Variants in STKLD1 observed in about 807,000 individuals in gnomAD.
STKLD1 encodes serine/threonine kinase-like domain-containing protein STKLD1.
STKLD1 carries 79 observed loss-of-function variants against 80.4 expected under a neutral mutation model. The ratio of observed to expected loss-of-function variants is 0.98; its 90% CI spans 0.82 to 1.19. STKLD1 has a LOEUF of 1.19. Among genes scored for constraint, STKLD1 ranks in the 50% most tolerant of loss-of-function variants. The pLI, the probability that STKLD1 is intolerant of heterozygous loss-of-function variation, is 0.00. For synonymous variants in STKLD1, 393 were observed against 357.6 expected, an observed-to-expected ratio of 1.10 and a Z score of -1.12; for missense variants, 841 against 856.0, an observed-to-expected ratio of 0.98 and a Z score of 0.22.
Position 133,405,299 on chromosome 9 carries a change from CAGG to C in STKLD1, c.1924_1926del (p.Glu642del), listed in dbSNP as rs1838824480. ...GTCCAGTAGTATGAAGGCCCTGCTCCAGGAGATCAAGGAGCGCTTCACCTCCAG... is the reference window on the plus strand; with the variant it reads ...GTCCAGTAGTATGAAGGCCCTGCTCCAGATCAAGGAGCGCTTCACCTCCAG... On this transcript the variant is annotated inframe_deletion, in exon 18 of 18. Transcript: ENST00000371957. 2.5e-6 allele frequency: 4 copies of C among 1,612,802 alleles called. No homozygotes were observed. In the South Asian group the frequency reaches 3.3e-5, roughly 13 times the overall value.
At position 133,390,785 on chromosome 9, in the gene STKLD1, G is replaced by A. The variant is rs2130287329; in HGVS notation, c.572G>A (p.Arg191His). 12 of 1,613,484 alleles carry A rather than the reference G, an allele frequency of 7.4e-6. No individual in the cohort carries two copies. Among genetic ancestry groups the A allele is most frequent in the African/African-American group, 4.0e-5 (3 of 74,880 alleles). ...LMTDKAKWNI[R>H]AEEDPFRKSW... ...ACAGACAAAGCCAAATGGAATATTC[G>A]TGCGGAGGAAGGTGGCAGGGGCTCC... The change falls in exon 7 of 18, where the codon CGT becomes CAT. Residue 191 changes from arginine (R) to histidine (H), a missense_variant. Arg to His is a conservative substitution (Grantham distance 29). Coordinates refer to ENST00000371957, the MANE Select transcript of STKLD1 (RefSeq NM_153710.5). This position sits in a 1 kb window ranked among gnomAD's most constrained non-coding sequence, Gnocchi z 5.1.
chr9:133,405,271 G>A lies in STKLD1; in HGVS notation c.1893G>A (p.Leu631=), dbSNP rs2130695298. The part of the protein sequence containing the change: ...LASYEEILPE[L]VSSSMKALLQ... ...CTGCAGAGGAGATCCTGCCGGAGCT[G>A]GTGTCCAGTAGTATGAAGGCCCTGC... The change falls in exon 18 of 18, where the codon CTG becomes CTA. Residue 631 remains leucine (L), a synonymous_variant. Transcript: ENST00000371957. 1.2e-6 allele frequency: 2 copies of A among 1,609,492 alleles called. No homozygotes were observed. The highest frequency in any genetic ancestry group is 1.1e-5 in the South Asian group (1 of 90,782).
intron 9 of STKLD1, among the ~76,000 whole-genome samples, chr9:133,396,599 G>GA (rs1397293206): frequency 6.6e-6 from 1 of 151,248 alleles, no homozygotes; most frequent in Admixed American, 6.6e-5. Context: ...ACTAAAAATA[G>GA]AAAAAAAATT....
chr9:133,401,845 G>T lies in STKLD1; in HGVS notation c.1306G>T (p.Val436Phe), dbSNP rs1554777730. The T allele has an allele frequency of 6.2e-6, 10 of 1,613,452 alleles. No homozygotes were observed. The highest frequency in any genetic ancestry group is 4.0e-5 in the African/African-American group (3 of 74,898). Residue 436 changes from valine to phenylalanine, a missense_variant, in exon 13 of 18, where the codon GTC becomes TTC. Val to Phe is a conservative substitution (Grantham distance 50). Coordinates refer to ENST00000371957, the MANE Select transcript of STKLD1 (RefSeq NM_153710.5). Reference sequence around the variant, plus strand: ...CGAGGAGGAGCCACTTCTTGTCATGGTCTACAGCCTGCTAGCCATCACCAC... The same window carrying T: ...CGAGGAGGAGCCACTTCTTGTCATGTTCTACAGCCTGCTAGCCATCACCAC... ...HPEEEPLLVM[V>F]YSLLAITTTQ...
chr9:133,390,640 G>T lies in STKLD1; in HGVS notation c.468-41G>T. ...GTTGTGGGTGGTGGCTGCCCAGGTG[G>T]CCCCTTGGCATCCAGAGGCAAACCC... On this transcript the variant is annotated intron_variant, in intron 6 of 17. Transcript: ENST00000371957. This position sits in a 1 kb window ranked among gnomAD's most constrained non-coding sequence, Gnocchi z 5.1. The T allele has an allele frequency of 2.0e-6, 3 of 1,503,888 alleles. No individual in the cohort carries two copies. The highest frequency in any genetic ancestry group is 1.1e-5 in the South Asian group (1 of 88,596). The allele number at this position is 1,503,888 out of a possible 1,614,324, so 93.2% of individuals were successfully genotyped here.
intron 7 of STKLD1, among the ~76,000 whole-genome samples, chr9:133,391,533 T>G (rs1360784973): frequency 5.9e-5 from 9 of 152,050 alleles, no homozygotes; most frequent in African/African-American, 1.4e-4. Flanking sequence ...AAAATTCTTC[T>G]GCCTTGGGAT....
intron 14 of STKLD1, 75 bp downstream of exon 14, chr9:133,403,087 GCCTTCGAGGA>G: frequency 2.1e-6 from 3 of 1,447,072 alleles, no homozygotes; most frequent in Non-Finnish European, 2.8e-6. Context: ...GCCCCTGAGA[GCCTTCGAGGA>G]CCTCCATGTC....
Position 133,394,455 on chromosome 9 carries a change from C to CCTGG in STKLD1, c.702+46_702+47insCTGG. 1 of 1,415,370 alleles carries CCTGG rather than the reference C, an allele frequency of 7.1e-7. No individual in the cohort carries two copies. Among genetic ancestry groups the CCTGG allele is most frequent in the Non-Finnish European group, 1.0e-6 (1 of 1,000,340 alleles). The allele number at this position is 1,415,370 out of a possible 1,614,324, so 87.7% of individuals were successfully genotyped here. On this transcript the variant is annotated intron_variant, in intron 8 of 17. Transcript: ENST00000371957. This position sits in a 1 kb window ranked among gnomAD's most constrained non-coding sequence, Gnocchi z 4.9. ...CACACCCCACATGCTGTTCCCCACG[C>CCTGG]GCCCAGGCCTGGGGAAAAGGCTTGG...
intron 11 of STKLD1, among the ~76,000 whole-genome samples, chr9:133,399,965 G>C (rs1838656114): frequency 1.3e-5 from 2 of 151,862 alleles, no homozygotes; most frequent in Non-Finnish European, 2.9e-5. Flanking sequence ...CATGAGCCTA[G>C]AGTGGAGGGA....
rs1490340574 is a variant in STKLD1 at position 133,389,772 on chromosome 9, T to C, written c.467+176T>C. On this transcript the variant is annotated intron_variant, in intron 6 of 17. Transcript: ENST00000371957. This position sits in a 1 kb window ranked among gnomAD's most constrained non-coding sequence, Gnocchi z 6.4. ...TCCTCCCGGGCTTGAAAGAGGCTCT[T>C]CCAAGTGGTCTCAAGCCATGTGCAC... Among the ~76,000 whole-genome samples the C allele has an allele frequency of 1.3e-5, 2 of 152,158 alleles. No homozygotes were observed. The highest frequency in any genetic ancestry group is 2.9e-5 in the Non-Finnish European group (2 of 68,020).
At chr9:133,392,288 C>T (rs587770370) in intron 7 of STKLD1, among the ~76,000 whole-genome samples, 27 of 152,076 alleles carry the variant, frequency 1.8e-4, no homozygotes, top group African/African-American at 3.4e-4. Flanking sequence ...ACCATGGTCT[C>T]GATCTCCTGA....
chr9:133,379,419 A>G (rs1384127170), intron 2 of STKLD1, among the ~76,000 whole-genome samples: 1 of 152,254 alleles, frequency 6.6e-6, no homozygotes, highest in Non-Finnish European at 1.5e-5. Context: ...TGTAAAGCAG[A>G]AACAATGACC....
At chr9:133,402,844 G>A in intron 13 of STKLD1, 34 bp from the exon 14 acceptor site, 1 of 1,582,870 alleles carries the variant, frequency 6.3e-7, no homozygotes, top group African/African-American at 1.3e-5. Context: ...CTGGAGGGAG[G>A]GGCCCTGGGG....
rs1398751770 is a variant in STKLD1 at position 133,391,340 on chromosome 9, G to A, written c.583+544G>A. ...TGGGAAGTGAGGAGCCCCTCTGCCC[G>A]GCCGCCACCCCGTCTGGGAGGTGTG... On this transcript the variant is annotated intron_variant, in intron 7 of 17. Coordinates refer to ENST00000371957, the MANE Select transcript of STKLD1 (RefSeq NM_153710.5). Among the ~76,000 whole-genome samples, 3 of 150,536 alleles carry A rather than the reference G, an allele frequency of 2.0e-5. No homozygotes were observed. The East Asian group carries it at 5.8e-4, about 29-fold the overall frequency.
intron 4 of STKLD1, among the ~76,000 whole-genome samples, chr9:133,386,517 A>C (rs1838268141): frequency 6.6e-6 from 1 of 152,164 alleles, no homozygotes; most frequent in African/African-American, 2.4e-5. Flanking sequence ...ACTGACCAGC[A>C]CCACATCCGT....
At chr9:133,399,643 TGAG>T (rs1428613528) in intron 11 of STKLD1, among the ~76,000 whole-genome samples, 7 of 152,066 alleles carry the variant, frequency 4.6e-5, no homozygotes, top group African/African-American at 1.7e-4. Context: ...TGGGAGGGGC[TGAG>T]GTGGGCAGAT....
chr9:133,404,734 G>C (rs907166062), intron 16 of STKLD1, 55 bp from the exon 17 acceptor site: 55 of 1,595,436 alleles, frequency 3.4e-5, no homozygotes, highest in Non-Finnish European at 2.6e-6. Flanking sequence ...TGGGCAGAAG[G>C]CTCTTCCCTT....
At position 133,401,832 on chromosome 9, in the gene STKLD1, ACTT is replaced by A. The variant is rs781828624; in HGVS notation, c.1297_1299del (p.Leu433del). 6.2e-7 allele frequency: 1 copy of A among 1,613,636 alleles called. No homozygotes were observed. The highest frequency in any genetic ancestry group is 1.1e-5 in the South Asian group (1 of 91,068). On this transcript the variant is annotated inframe_deletion, in exon 13 of 18. Transcript: ENST00000371957. ...TTCAGAGCCACCCCGAGGAGGAGCC[ACTT>A]CTTGTCATGGTCTACAGCCTGCTAG...
chr9:133,398,884 G>C (rs970237340), intron 11 of STKLD1, among the ~76,000 whole-genome samples: 1 of 152,012 alleles, frequency 6.6e-6, no homozygotes, highest in Admixed American at 6.6e-5. Flanking sequence ...ACAGGGTCTC[G>C]CTCTGTCCCC....
Sources: allele counts gnomAD v4.1 joint callset (sites outside exome capture counted in the v4.1 genomes callset), GRCh38; gene constraint gnomAD v4.1.1; non-coding constraint Gnocchi (gnomAD v3.1); transcripts MANE v1.5; gene names NCBI Gene and HGNC (gene_info 2026-07-23, HGNC 2026-07-21).